The following AFAP1L2 variants were observed in gnomAD, a reference collection of about 807,000 sequenced individuals.
The protein encoded by AFAP1L2 is actin filament associated protein 1 like 2, also known as actin filament-associated protein 1-like 2.
AFAP1L2 carries 46 observed loss-of-function variants against 99.3 expected under a neutral mutation model. That is an observed-to-expected ratio of 0.46 (90% CI 0.37 to 0.59). The LOEUF (loss-of-function observed/expected upper bound fraction) is 0.59, where lower values mean the gene tolerates loss of function less well. Among genes scored for constraint, AFAP1L2 ranks in the 20% least tolerant of loss-of-function variants. The pLI, the probability that AFAP1L2 is intolerant of heterozygous loss-of-function variation, is 0.00. For synonymous variants in AFAP1L2, 397 were observed against 419.1 expected, an observed-to-expected ratio of 0.95 and a Z score of 0.64; for missense variants, 959 against 1,034.9, an observed-to-expected ratio of 0.93 and a Z score of 1.01.
intron 7 of AFAP1L2, among the ~76,000 whole-genome samples, chr10:114,311,088 C>A (rs2043172531): frequency 6.6e-6 from 1 of 151,826 alleles, no homozygotes; most frequent in Non-Finnish European, 1.5e-5. Context: ...CTTTGAAACC[C>A]CAAGCAGAGG....
intron 16 of AFAP1L2, 101 bp downstream of exon 16, chr10:114,299,159 A>G: frequency 6.3e-6 from 9 of 1,435,326 alleles, no homozygotes; most frequent in Non-Finnish European, 8.6e-6. Flanking sequence ...GCCAGGGCCC[A>G]CTGATTGAGA....
chr10:114,319,415 T>G, intron 5 of AFAP1L2: 1 of 523,688 alleles, frequency 1.9e-6, no homozygotes, highest in African/African-American at 2.0e-5. Flanking sequence ...GTTGCTCCTC[T>G]GGAAGATCGC....
chr10:114,316,536 C>T (rs1277162070), intron 5 of AFAP1L2, among the ~76,000 whole-genome samples: 1 of 152,146 alleles, frequency 6.6e-6, no homozygotes, highest in Non-Finnish European at 1.5e-5. Context: ...TAACTTAAAC[C>T]CTTCCTCTTT....
chr10:114,369,319 G>A (rs1041774676), intron 1 of AFAP1L2, among the ~76,000 whole-genome samples: 1 of 152,146 alleles, frequency 6.6e-6, no homozygotes, highest in East Asian at 1.9e-4. Context: ...AAACAGGCCG[G>A]GCACAGTGGC....
At chr10:114,306,069 A>G (rs75875167) in intron 10 of AFAP1L2, among the ~76,000 whole-genome samples, 55,851 of 56,002 alleles carry the variant, frequency 1, 27,850 homozygotes, top group Middle Eastern at 1. Context: ...AGATGCANGA[A>G]GCGACGGGGC....
intron 7 of AFAP1L2, among the ~76,000 whole-genome samples, chr10:114,313,543 CT>C (rs1242593794): frequency 2.0e-5 from 3 of 152,146 alleles, no homozygotes; most frequent in Non-Finnish European, 2.9e-5. Context: ...GTTAAAGATG[CT>C]AATAGTCCTG....
chr10:114,381,679 C>T (rs2055636655), intron 1 of AFAP1L2, among the ~76,000 whole-genome samples: 1 of 151,820 alleles, frequency 6.6e-6, no homozygotes, highest in Non-Finnish European at 1.5e-5. Flanking sequence ...ATAAATTTGA[C>T]CACAAAATAA....
intron 1 of AFAP1L2, among the ~76,000 whole-genome samples, chr10:114,374,016 C>A (rs1339022152): frequency 6.6e-6 from 1 of 152,102 alleles, no homozygotes; most frequent in East Asian, 1.9e-4. Flanking sequence ...AGAGCCCCTG[C>A]CTTCACGGAC....
the AFAP1L2 span, among the ~76,000 whole-genome samples, chr10:114,282,017 C>CTTTTTTTGTTTTT: frequency 8.4e-6 from 1 of 119,662 alleles, no homozygotes; most frequent in Non-Finnish European, 1.7e-5. Context: ...CTTATGTTAC[C>CTTTTTTTGTTTTT]TTTTTTTTTT....
At chr10:114,301,544 G>A (rs2041194845) in intron 12 of AFAP1L2, 79 bp from the exon 13 acceptor site, 1 of 1,090,816 alleles carries the variant, frequency 9.2e-7, no homozygotes, top group Non-Finnish European at 1.4e-6. Flanking sequence ...GATTCCCAGT[G>A]AGGAGTGGTT....
intron 5 of AFAP1L2, chr10:114,319,558 G>T: frequency 7.8e-7 from 1 of 1,289,480 alleles, no homozygotes; most frequent in Non-Finnish European, 1.0e-6. Flanking sequence ...GGAGTAAGCA[G>T]TACCCAAGGT....
chr10:114,339,785 G>A (rs2048519448), intron 2 of AFAP1L2, among the ~76,000 whole-genome samples: 1 of 147,896 alleles, frequency 6.8e-6, no homozygotes, highest in Non-Finnish European at 1.5e-5. Flanking sequence ...AGGCTGAGGT[G>A]GATGGATCAC....
intron 6 of AFAP1L2, among the ~76,000 whole-genome samples, chr10:114,315,067 G>A (rs866710814): frequency 2.0e-5 from 3 of 152,220 alleles, no homozygotes; most frequent in Non-Finnish European, 2.9e-5. Context: ...CTTGAACCCA[G>A]GAGGTGGAGC....
Position 114,301,337 on chromosome 10 carries a change from C to G in AFAP1L2, c.1542+17G>C, listed in dbSNP as rs989377832. The stretch of plus-strand genomic sequence containing the variant: ...GGGCCTGGAGAGGCCCAGGCCACTG[C>G]CTGGCCGGGTCCTTACCGCAGCTGT... On this transcript the variant is annotated intron_variant, in intron 13 of 18. Coordinates refer to ENST00000304129, the MANE Select transcript of AFAP1L2 (RefSeq NM_001001936.3). 1 of 1,602,114 alleles carries G rather than the reference C, an allele frequency of 6.2e-7. No homozygotes were observed. Among genetic ancestry groups the G allele is most frequent in the African/African-American group, 1.3e-5 (1 of 74,832 alleles).
intron 2 of AFAP1L2, among the ~76,000 whole-genome samples, chr10:114,336,960 G>C (rs2048065569): frequency 6.6e-6 from 1 of 152,232 alleles, no homozygotes; most frequent in Admixed American, 6.5e-5. Context: ...TGCCCAAAAT[G>C]TGTGGAAGTC....
the AFAP1L2 span, among the ~76,000 whole-genome samples, chr10:114,282,818 C>T: frequency 8.5e-4 from 130 of 152,284 alleles, no homozygotes; most frequent in African/African-American, 3.0e-3. Flanking sequence ...TGGTGAGAGG[C>T]AGAGAGGCAG....
intron 1 of AFAP1L2, among the ~76,000 whole-genome samples, chr10:114,370,355 T>C (rs779824601): frequency 1.6e-4 from 25 of 152,218 alleles, no homozygotes; most frequent in Non-Finnish European, 2.6e-4. Flanking sequence ...AAATGTTTCT[T>C]TGCTGAAATG....
At chr10:114,290,701 CAGTT>C (rs2039502279), downstream of AFAP1L2, among the ~76,000 whole-genome samples, 1 of 148,792 alleles carries the variant, frequency 6.7e-6, no homozygotes, top group African/African-American at 2.5e-5. Flanking sequence ...AGGGAGGCCA[CAGTT>C]AGGAGCACAG....
chr10:114,327,159 ATATATATATATATATTTTTT>A lies in AFAP1L2; in HGVS notation c.316-3918_316-3899del, dbSNP rs1394401959. Among the ~76,000 whole-genome samples, 30 of 80,524 alleles carry A rather than the reference ATATATATATATATATTTTTT, an allele frequency of 3.7e-4. 5 individuals carry two copies. The East Asian group carries it at 4.3e-3, about 12-fold the overall frequency. The allele number at this position is 80,524 out of a possible 152,430, so 52.8% of individuals were successfully genotyped here. On this transcript the variant is annotated intron_variant, in intron 4 of 18. Transcript: ENST00000304129. ...ATTTTATATATATTTATATATATAT[ATATATATATATATATTTTTT>A]TTTTAGGCAGAGTCTCACTGTGTTG...
Sources: allele counts gnomAD v4.1 joint callset (sites outside exome capture counted in the v4.1 genomes callset), GRCh38; gene constraint gnomAD v4.1.1; transcripts MANE v1.5; gene names NCBI Gene and HGNC (gene_info 2026-07-23, HGNC 2026-07-21).